The following TOPBP1 variants were observed in gnomAD, a reference collection of about 807,000 sequenced individuals.
TOPBP1 encodes DNA topoisomerase 2-binding protein 1.
TOPBP1 carries 28 observed loss-of-function variants against 167.7 expected under a neutral mutation model. The observed-to-expected ratio is 0.17, with a 90% CI of 0.12 to 0.23. The LOEUF (loss-of-function observed/expected upper bound fraction) is 0.23, where lower values mean the gene tolerates loss of function less well. Among genes scored for constraint, TOPBP1 ranks in the 10% least tolerant of loss-of-function variants. The pLI is 1.00. For missense variants in TOPBP1, 1,554 were observed against 1,809.6 expected, an observed-to-expected ratio of 0.86 and a Z score of 2.56; for synonymous variants, 598 against 611.4, an observed-to-expected ratio of 0.98 and a Z score of 0.32.
intron 10 of TOPBP1, among the ~76,000 whole-genome samples, chr3:133,647,564 A>T (rs1936120614): frequency 6.6e-6 from 1 of 152,172 alleles, no homozygotes; most frequent in African/African-American, 2.4e-5. Context: ...CAAATACAAA[A>T]TGACAGACTT....
rs115160714 is a variant in TOPBP1 at position 133,601,021 on chromosome 3, G to A, written c.*229C>T. The A allele has an allele frequency of 2.8e-3, 909 of 326,530 alleles. 5 individuals carry two copies. Among genetic ancestry groups the A allele is most frequent in the African/African-American group, 0.019 (855 of 45,540 alleles). The allele number at this position is 326,530 out of a possible 1,614,324, so 20.2% of individuals were successfully genotyped here. On this transcript the variant is annotated 3_prime_UTR_variant, in exon 28 of 28. Transcript: ENST00000260810. ...AATGTGGTTTAACAGCAAGCTAGCT[G>A]AGGAGTTGTATTTTGTTGTTATTTC...
chr3:133,637,372 A>C (rs150839134), intron 14 of TOPBP1, among the ~76,000 whole-genome samples: 379 of 152,328 alleles, frequency 2.5e-3, no homozygotes, highest in Non-Finnish European at 4.7e-3. Context: ...TCACGAGATC[A>C]AACTAAAACA....
At chr3:133,646,883 A>G (rs1314290336) in intron 10 of TOPBP1, among the ~76,000 whole-genome samples, 1 of 152,198 alleles carries the variant, frequency 6.6e-6, no homozygotes, top group Non-Finnish European at 1.5e-5. Flanking sequence ...ATACAGGATA[A>G]AATATTAAAA....
intron 27 of TOPBP1, 65 bp from the exon 28 acceptor site, chr3:133,601,458 A>T: frequency 3.2e-6 from 4 of 1,266,292 alleles, no homozygotes; most frequent in Admixed American, 3.5e-5. Flanking sequence ...CTGGTAATAG[A>T]TTTTTTCTTT....
intron 13 of TOPBP1, among the ~76,000 whole-genome samples, chr3:133,639,722 G>T (rs1935827198): frequency 6.6e-6 from 1 of 152,124 alleles, no homozygotes. Context: ...GAAGCCCAAA[G>T]ATAAGAGGAG....
At chr3:133,647,538 T>C (rs1326718816) in intron 10 of TOPBP1, among the ~76,000 whole-genome samples, 1 of 151,986 alleles carries the variant, frequency 6.6e-6, no homozygotes, top group Non-Finnish European at 1.5e-5. Context: ...TTTTAAGAAA[T>C]AAAGAACAAA....
intron 27 of TOPBP1, among the ~76,000 whole-genome samples, chr3:133,602,435 A>C (rs1282384363): frequency 6.6e-6 from 1 of 152,186 alleles, no homozygotes; most frequent in East Asian, 1.9e-4. Flanking sequence ...GGAAACTCAG[A>C]TCTTCAGGGA....
chr3:133,617,120 G>C (rs778723744), intron 22 of TOPBP1, 40 bp downstream of exon 22: 1 of 1,555,470 alleles, frequency 6.4e-7, no homozygotes, highest in Admixed American at 2.1e-5. Context: ...CCTAACAGCA[G>C]TATGCAAAAG....
In TOPBP1 at chr3:133,605,418, T is replaced by C. The variant is rs140060872; in HGVS notation, c.4425+3117A>G. 4.9e-3 allele frequency among the ~76,000 whole-genome samples: 753 copies of C among 152,214 alleles called. 10 individuals are homozygous for C. Among genetic ancestry groups the C allele is most frequent in the African/African-American group, 0.015 (613 of 41,520 alleles). The stretch of plus-strand genomic sequence containing the variant: ...TTTTAAAAATTTTTACTCAACTAAA[T>C]CTAGCAATATATACAAAGATTAATA... On this transcript the variant is annotated intron_variant, in intron 27 of 27. Transcript: ENST00000260810.
rs1251645957 is a variant in TOPBP1, at chr3:133,606,222, T to C, written c.4425+2313A>G. On this transcript the variant is annotated intron_variant, in intron 27 of 27. Coordinates refer to ENST00000260810, the MANE Select transcript of TOPBP1 (RefSeq NM_007027.4). ...AAATAATAATATACAAAATTTATAT[T>C]CTTTTGGATTGGCAGCAAATTGTAG... Among the ~76,000 whole-genome samples the C allele has an allele frequency of 2.0e-5, 3 of 152,294 alleles. No homozygotes were observed. In the East Asian group the frequency reaches 5.8e-4, roughly 29 times the overall value.
intron 27 of TOPBP1, among the ~76,000 whole-genome samples, chr3:133,606,937 C>CAACA (rs552404747): frequency 1.8e-4 from 28 of 151,626 alleles, no homozygotes; most frequent in Middle Eastern, 3.4e-3. Context: ...ACACACACAC[C>CAACA]AACAAACAAA....
At chr3:133,645,865 A>C (rs1171407480) in intron 10 of TOPBP1, among the ~76,000 whole-genome samples, 3 of 152,080 alleles carry the variant, frequency 2.0e-5, no homozygotes, top group Non-Finnish European at 2.9e-5. Context: ...AAGCTCCCCT[A>C]GGGCCGGGCG....
At chr3:133,608,299 G>A (rs1440796713) in intron 27 of TOPBP1, among the ~76,000 whole-genome samples, 1 of 152,002 alleles carries the variant, frequency 6.6e-6, no homozygotes, top group African/African-American at 2.4e-5. Flanking sequence ...GCCTTTAGAG[G>A]TACCTAGATT....
chr3:133,628,788 C>G, intron 14 of TOPBP1, 55 bp from the exon 15 acceptor site: 1 of 1,500,934 alleles, frequency 6.7e-7, no homozygotes, highest in Non-Finnish European at 9.0e-7. Flanking sequence ...GAGAGAGAAG[C>G]AAGATGGGTT....
chr3:133,647,638 C>T (rs1009245848), intron 10 of TOPBP1, among the ~76,000 whole-genome samples: 1 of 152,118 alleles, frequency 6.6e-6, no homozygotes, highest in African/African-American at 2.4e-5. Context: ...GCTTCAAGAC[C>T]AGCCTGGGTA....
At position 133,623,425 on chromosome 3, in the gene TOPBP1, A is replaced by C; in HGVS notation, c.2961T>G (p.Ser987=). 1 of 1,612,324 alleles carries C rather than the reference A, an allele frequency of 6.2e-7. No individual in the cohort carries two copies. The highest frequency in any genetic ancestry group is 8.5e-7 in the Non-Finnish European group (1 of 1,179,084). ...CAQECKHLPE[S]LYPHTYNPKM... ...TGGGATTATAAGTATGTGGATAAAG[A>C]GATTCAGGAAGATGTTTACACTCTT... is the stretch of plus-strand genomic sequence containing the variant. The change falls in exon 18 of 28, where the codon TCT becomes TCG. Residue 987 remains serine, a synonymous_variant. Coordinates refer to ENST00000260810, the MANE Select transcript of TOPBP1 (RefSeq NM_007027.4).
At chr3:133,650,713 T>C (rs1396439543) in intron 8 of TOPBP1, among the ~76,000 whole-genome samples, 3 of 152,196 alleles carry the variant, frequency 2.0e-5, no homozygotes, top group African/African-American at 7.2e-5. Context: ...CCCCCATTAC[T>C]AGAATATATT....
chr3:133,649,573 A>G lies in TOPBP1; in HGVS notation c.1314T>C (p.Ser438=). ...LECFSKGYML[S]EEPYIHANYQ... Reference sequence around the variant, plus strand: ...AATTAGCATGGATATATGGTTCTTCAGAAAGCATATAACCTTTACTGAAAC... The same window carrying G: ...AATTAGCATGGATATATGGTTCTTCGGAAAGCATATAACCTTTACTGAAAC... Residue 438 remains serine, a synonymous_variant, in exon 10 of 28, where the codon TCT becomes TCC. Transcript: ENST00000260810. 6.2e-7 allele frequency: 1 copy of G among 1,613,906 alleles called. No homozygotes were observed. The highest frequency in any genetic ancestry group is 8.5e-7 in the Non-Finnish European group (1 of 1,179,864).
intron 16 of TOPBP1, among the ~76,000 whole-genome samples, chr3:133,625,969 A>C (rs1268546013): frequency 1.3e-5 from 2 of 152,238 alleles, no homozygotes; most frequent in East Asian, 3.8e-4. Flanking sequence ...TTTACCAGTC[A>C]ACTCCACTAT....
Sources: gnomAD v4.1 joint callset for allele counts (sites outside exome capture counted in the v4.1 genomes callset) on GRCh38, gnomAD v4.1.1 for gene constraint, MANE v1.5 for transcripts, NCBI Gene and HGNC (gene_info 2026-07-23, HGNC 2026-07-21) for gene names.